Variants in CACNA1C observed in about 807,000 individuals in gnomAD.
CACNA1C encodes the protein calcium voltage-gated channel subunit alpha1 C, also known as voltage-dependent L-type calcium channel subunit alpha-1C.
A neutral mutation model predicts 229.0 loss-of-function variants in CACNA1C; 30 were observed. The observed-to-expected ratio is 0.13, with a 90% CI of 0.10 to 0.18. The LOEUF (loss-of-function observed/expected upper bound fraction) is 0.18. Among genes scored for constraint, CACNA1C ranks in the 10% least tolerant of loss-of-function variants. The pLI is 1.00. For synonymous variants in CACNA1C, 1,114 were observed against 1,132.5 expected, an observed-to-expected ratio of 0.98 and a Z score of 0.33; for missense variants, 1,658 against 2,845.0, an observed-to-expected ratio of 0.58 and a Z score of 9.49.
chr12:1,985,005 C>A (rs1174825645), intron 1 of CACNA1C, among the ~76,000 whole-genome samples: 1 of 150,382 alleles, frequency 6.6e-6, no homozygotes, highest in Non-Finnish European at 1.5e-5. Flanking sequence ...AGATGTAACA[C>A]AATGGTTTTC....
intron 3 of CACNA1C, among the ~76,000 whole-genome samples, chr12:2,311,595 G>A (rs2154485238): frequency 6.6e-6 from 1 of 152,276 alleles, no homozygotes; most frequent in East Asian, 1.9e-4. Context: ...AGCCTAACTG[G>A]GCATCACGGG....
At position 1,997,997 on chromosome 12, in the gene CACNA1C, CACAAG is replaced by C. The variant is rs371788766; in HGVS notation, c.139+26800_139+26804del. 1,584 of 1,600,684 alleles carry C rather than the reference CACAAG, an allele frequency of 9.9e-4. 15 individuals carry two copies. The African/African-American group carries it at 0.018, about 18-fold the overall frequency. Reference sequence around the variant, plus strand: ...TCTCCTAAACAATAAAAACAAAACACACAAGACATGTATGTTCTCTTCAATTCACA... The same window carrying C: ...TCTCCTAAACAATAAAAACAAAACACACATGTATGTTCTCTTCAATTCACA... On this transcript the variant is annotated intron_variant, in intron 1 of 46. Coordinates refer to the CACNA1C transcript ENST00000682462.
At chr12:2,363,362 A>G (rs932458920) in intron 3 of CACNA1C, among the ~76,000 whole-genome samples, 7 of 152,174 alleles carry the variant, frequency 4.6e-5, no homozygotes, top group African/African-American at 1.4e-4. Context: ...TCATTTCTAT[A>G]TTCCTGCTTT....
At chr12:2,314,094 A>G (rs2095566814) in intron 3 of CACNA1C, among the ~76,000 whole-genome samples, 1 of 151,984 alleles carries the variant, frequency 6.6e-6, no homozygotes, top group Non-Finnish European at 1.5e-5. Flanking sequence ...CAAGGTTTTT[A>G]TATTATACCC....
At chr12:2,183,435 A>G (rs2096901391) in intron 3 of CACNA1C, among the ~76,000 whole-genome samples, 1 of 152,164 alleles carries the variant, frequency 6.6e-6, no homozygotes, top group African/African-American at 2.4e-5. Flanking sequence ...CCTTCTCTAG[A>G]GATTCTATTT....
intron 3 of CACNA1C, among the ~76,000 whole-genome samples, chr12:2,369,834 A>G (rs2097811824): frequency 6.6e-6 from 1 of 152,254 alleles, no homozygotes; most frequent in Non-Finnish European, 1.5e-5. Context: ...GGAAGACTTT[A>G]TAAACATGAA....
chr12:2,096,357 A>C (rs921813991), intron 1 of CACNA1C, among the ~76,000 whole-genome samples: 1 of 152,162 alleles, frequency 6.6e-6, no homozygotes, highest in Admixed American at 6.5e-5. Context: ...TGCCGGAAGC[A>C]CTTGTATAGG....
intron 18 of CACNA1C, among the ~76,000 whole-genome samples, chr12:2,592,656 G>A (rs529895662): frequency 6.6e-6 from 1 of 152,220 alleles, no homozygotes; most frequent in African/African-American, 2.4e-5. Context: ...TGCATGAAGG[G>A]CCTGCTGTGG....
intron 3 of CACNA1C, among the ~76,000 whole-genome samples, chr12:2,326,771 A>G (rs1228791637): frequency 1.3e-5 from 2 of 152,212 alleles, no homozygotes; most frequent in African/African-American, 4.8e-5. Flanking sequence ...TTAGCGTGAT[A>G]CTTGATCGAT....
chr12:2,100,775 G>A (rs962896494), intron 1 of CACNA1C, among the ~76,000 whole-genome samples: 5 of 151,156 alleles, frequency 3.3e-5, no homozygotes, highest in Non-Finnish European at 5.9e-5. Flanking sequence ...AAAAAAGGTC[G>A]GGGGCAGTGG....
In CACNA1C at chr12:2,275,504, G is replaced by A. The variant is rs778848765; in HGVS notation, c.477+155074G>A. 1.3e-5 allele frequency among the ~76,000 whole-genome samples: 2 copies of A among 151,764 alleles called. No individual in the cohort carries two copies. Among genetic ancestry groups the A allele is most frequent in the Admixed American group, 6.6e-5 (1 of 15,230 alleles). On this transcript the variant is annotated intron_variant, in intron 3 of 46. Coordinates refer to ENST00000399655, the MANE Select transcript of CACNA1C (RefSeq NM_000719.7). The surrounding 1 kb of genome is among the most constrained non-coding windows in gnomAD (Gnocchi z 4.1). The stretch of plus-strand genomic sequence containing the variant: ...CTGTTCCATCCCACATGCAGCCTCC[G>A]TCCACTGTCCCCCAGCTCGCAACCC...
intron 3 of CACNA1C, among the ~76,000 whole-genome samples, chr12:2,229,829 G>A (rs774701032): frequency 6.6e-5 from 10 of 152,180 alleles, no homozygotes; most frequent in South Asian, 2.1e-4. Context: ...GAGGGGTCCC[G>A]AGGCGGGCGG....
chr12:2,352,391 A>C (rs2097227907), intron 3 of CACNA1C, among the ~76,000 whole-genome samples: 1 of 152,186 alleles, frequency 6.6e-6, no homozygotes, highest in Non-Finnish European at 1.5e-5. Context: ...AATCATACAA[A>C]ATAAGCTGCC....
rs2097781321 is a variant in CACNA1C, at chr12:2,691,059, G to T, written c.6277G>T (p.Ala2093Ser). The change falls in exon 47 of 47, where the codon GCC (alanine) becomes TCC (serine). Residue 2093 changes from alanine to serine, a missense_variant. Transcript: ENST00000399655. The part of the protein sequence containing the change: ...SGGAPQSPNG[A>S]LLPFVNCRDA... ...GGGCGCCCCACAGAGCCCCAATGGCGCCCTCTTACCCTTTGTGAACTGCAG... is the reference window on the plus strand; with the variant it reads ...GGGCGCCCCACAGAGCCCCAATGGCTCCCTCTTACCCTTTGTGAACTGCAG... The T allele has an allele frequency of 1.2e-6, 2 of 1,607,874 alleles. No individual in the cohort carries two copies. Among genetic ancestry groups the T allele is most frequent in the Admixed American group, 3.4e-5 (2 of 59,116 alleles).
intron 3 of CACNA1C, among the ~76,000 whole-genome samples, chr12:2,310,962 G>T (rs1333413498): frequency 1.3e-5 from 2 of 152,190 alleles, no homozygotes; most frequent in Non-Finnish European, 2.9e-5. Flanking sequence ...ACAGCATAAA[G>T]TGCCTTCTAG....
intron 3 of CACNA1C, among the ~76,000 whole-genome samples, chr12:2,374,052 A>G (rs919447878): frequency 6.6e-6 from 1 of 151,944 alleles, no homozygotes; most frequent in Non-Finnish European, 1.5e-5. Context: ...CCACATCACA[A>G]CTCCGCTAGC....
At chr12:2,168,127 TAAAG>T (rs1486402827) in intron 3 of CACNA1C, among the ~76,000 whole-genome samples, 7 of 152,136 alleles carry the variant, frequency 4.6e-5, no homozygotes, top group African/African-American at 7.2e-5. Flanking sequence ...ATGCACAGCT[TAAAG>T]AAAGGCAGAG....
At chr12:2,690,409 A>G (rs1050362976) in intron 46 of CACNA1C, among the ~76,000 whole-genome samples, 1 of 152,204 alleles carries the variant, frequency 6.6e-6, no homozygotes, top group Non-Finnish European at 1.5e-5. Context: ...AGCTCAGTGC[A>G]GCCTGGCGCT....
Position 2,466,228 on chromosome 12 carries a change from A to T in CACNA1C, c.757+8522A>T, listed in dbSNP as rs12582478. ...ACACTTTGATGGTTTAAAGCCACTC[A>T]TGCTGTCCTGTCTGAAATTTGCTGT... is the stretch of plus-strand genomic sequence containing the variant. On this transcript the variant is annotated intron_variant, in intron 5 of 46. Coordinates refer to ENST00000399655, the MANE Select transcript of CACNA1C (RefSeq NM_000719.7). Among the ~76,000 whole-genome samples the T allele has an allele frequency of 7.3e-4, 111 of 152,310 alleles. No homozygotes were observed. In the East Asian group the frequency reaches 0.021, roughly 28 times the overall value.
Sources: allele counts gnomAD v4.1 joint callset (sites outside exome capture counted in the v4.1 genomes callset), GRCh38; gene constraint gnomAD v4.1.1; non-coding constraint Gnocchi (gnomAD v3.1); transcripts MANE v1.5; gene names NCBI Gene and HGNC (gene_info 2026-07-23, HGNC 2026-07-21).